Variants in OTULIN observed in about 807,000 individuals in gnomAD.
OTULIN encodes the protein OTU deubiquitinase with linear linkage specificity, also known as ubiquitin thioesterase otulin.
OTULIN carries 15 observed loss-of-function variants against 39.6 expected under a neutral mutation model. The ratio of observed to expected loss-of-function variants is 0.38; its 90% confidence interval spans 0.25 to 0.58. The LOEUF is 0.58. Ranked by LOEUF, OTULIN falls within the 20% of genes least tolerant of loss-of-function variation. The pLI is 0.66. For synonymous variants in OTULIN, 156 were observed against 170.3 expected (o/e 0.92, Z 0.65); for missense variants, 319 against 445.9 (o/e 0.72, Z 2.56).
At chr5:14,713,036 G>A in the OTULIN span, 9 of 1,488,558 alleles carry the variant, frequency 6.0e-6, no homozygotes, top group Admixed American at 9.4e-5. The surrounding 1 kb of genome is among the most constrained non-coding windows in gnomAD (Gnocchi z 4.4). Flanking sequence ...AACCGTCGAT[G>A]CCAAAACCCA....
the OTULIN span, chr5:14,712,982 G>A: frequency 6.2e-7 from 1 of 1,610,316 alleles, no homozygotes; most frequent in Non-Finnish European, 8.5e-7. Flanking sequence ...CCCTGCAGAT[G>A]AGAACACAAA....
intron 3 of OTULIN, among the ~76,000 whole-genome samples, chr5:14,679,823 G>T (rs1431633531): frequency 6.6e-6 from 1 of 152,168 alleles, no homozygotes; most frequent in Non-Finnish European, 1.5e-5. Flanking sequence ...TGTGTTTTAG[G>T]CGTTGGTTAG....
In OTULIN at chr5:14,690,366, C is replaced by T. The variant is rs1736494326; in HGVS notation, c.864+58C>T. 2 of 1,565,162 alleles carry T rather than the reference C, an allele frequency of 1.3e-6. No individual in the cohort carries two copies. Among genetic ancestry groups the T allele is most frequent in the African/African-American group, 1.4e-5 (1 of 72,926 alleles). ...AAATAAAGCAGCTTTACTGATCAAACTTGATGTCACAGTTTTTGTAGGTCA... is the reference window on the plus strand; with the variant it reads ...AAATAAAGCAGCTTTACTGATCAAATTTGATGTCACAGTTTTTGTAGGTCA... On this transcript the variant is annotated intron_variant, in intron 6 of 6. Transcript: ENST00000284274. The surrounding 1 kb of genome is among the most constrained non-coding windows in gnomAD (Gnocchi z 4.5).
rs1736667898 is a variant in OTULIN at position 14,696,320 on chromosome 5, T to C, written c.*3272T>C. On this transcript the variant is annotated 3_prime_UTR_variant, in exon 7 of 7. Transcript: ENST00000284274. ...CAGATACTAAAGTACAGTTGGATCA[T>C]TTTCTTATCTCCTTTTCTTAAGCAG... 6.6e-6 allele frequency: 1 copy of C among 152,226 alleles called. No individual in the cohort carries two copies. Among genetic ancestry groups the C allele is most frequent in the Non-Finnish European group, 1.5e-5 (1 of 68,038 alleles). The allele number at this position is 152,226 out of a possible 1,614,324, so 9.4% of individuals were successfully genotyped here. A position where few individuals can be genotyped will look rare whatever the true frequency, so the allele number is the denominator to read the frequency against.
intron 1 of OTULIN, among the ~76,000 whole-genome samples, chr5:14,665,688 G>C (rs1735820723): frequency 6.6e-6 from 1 of 152,072 alleles, no homozygotes; most frequent in Admixed American, 6.5e-5. Context: ...AATTATGAAA[G>C]CACACAGACA....
chr5:14,675,045 G>GT (rs1460773728), intron 2 of OTULIN, among the ~76,000 whole-genome samples: 1 of 152,166 alleles, frequency 6.6e-6, no homozygotes, highest in African/African-American at 2.4e-5. Flanking sequence ...TCTTGCCGTT[G>GT]TTTGATGTTT....
Position 14,664,771 on chromosome 5 carries a change from G to C in OTULIN, c.-55G>C. ...CGGCCACTGCCTGGCACCCCGACGG[G>C]AGGGGCTCCGGATCGTTCGGAGCCG... On this transcript the variant is annotated 5_prime_UTR_variant, in exon 1 of 7. Transcript: ENST00000284274. The C allele has an allele frequency of 2.7e-6, 3 of 1,127,542 alleles. No homozygotes were observed. In the African/African-American group the frequency reaches 5.0e-5, roughly 19 times the overall value. The allele number at this position is 1,127,542 out of a possible 1,614,324, so 69.8% of individuals were successfully genotyped here. A position where few individuals can be genotyped will look rare whatever the true frequency, so the allele number is the denominator to read the frequency against.
rs1174189229 is a variant in OTULIN at position 14,681,325 on chromosome 5, G to T, written c.325-139G>T. On this transcript the variant is annotated intron_variant, in intron 3 of 6. Coordinates refer to ENST00000284274, the MANE Select transcript of OTULIN (RefSeq NM_138348.6). The stretch of plus-strand genomic sequence containing the variant: ...CCAGTGAGTAAGTGTTAAAACAATT[G>T]CTTAGAAAGGGACATAAAACTCCAA... 73 of 876,904 alleles carry T rather than the reference G, an allele frequency of 8.3e-5. No homozygotes were observed. In the East Asian group the frequency reaches 1.8e-3, roughly 22 times the overall value. The allele number at this position is 876,904 out of a possible 1,614,324, so 54.3% of individuals were successfully genotyped here. A position where few individuals can be genotyped will look rare whatever the true frequency, so the allele number is the denominator to read the frequency against.
Position 14,664,972 on chromosome 5 carries a change from C to A in OTULIN, c.147C>A (p.Ala49=). ...GQPRPEMQCP[A]EHEEDMYRAA... ...CGCGGCCCGAGATGCAGTGCCCGGC[C>A]GAGCAGTGAGTCCGCGGGGGCGCGG... Residue 49 remains alanine (A), a synonymous_variant, in exon 1 of 7, where the codon GCC becomes GCA. Coordinates refer to ENST00000284274, the MANE Select transcript of OTULIN (RefSeq NM_138348.6). 3 of 1,083,776 alleles carry A rather than the reference C, an allele frequency of 2.8e-6. No individual in the cohort carries two copies. The highest frequency in any genetic ancestry group is 4.3e-5 in the South Asian group (1 of 23,076). The allele number at this position is 1,083,776 out of a possible 1,614,324, so 67.1% of individuals were successfully genotyped here. A position where few individuals can be genotyped will look rare whatever the true frequency, so the allele number is the denominator to read the frequency against.
At chr5:14,713,029 C>T in the OTULIN span, 405 of 1,523,064 alleles carry the variant, frequency 2.7e-4, 4 homozygotes, top group South Asian at 3.8e-3. This position sits in a 1 kb window ranked among gnomAD's most constrained non-coding sequence, Gnocchi z 4.4. Flanking sequence ...AAGGCACAAC[C>T]GTCGATGCCA....
chr5:14,711,474 T>G, the OTULIN span, among the ~76,000 whole-genome samples: 1 of 152,148 alleles, frequency 6.6e-6, no homozygotes, highest in East Asian at 1.9e-4. Context: ...TAGCTCAGTG[T>G]GTTCCTTGCA....
At chr5:14,678,655 T>G (rs1313960779) in intron 2 of OTULIN, 26 bp from the exon 3 acceptor site, 1 of 1,285,116 alleles carries the variant, frequency 7.8e-7, no homozygotes, top group South Asian at 1.5e-5. Flanking sequence ...ATTATTTGCT[T>G]TTTTTTTTTT....
chr5:14,665,697 C>T (rs1212853276), intron 1 of OTULIN, among the ~76,000 whole-genome samples: 2 of 152,122 alleles, frequency 1.3e-5, no homozygotes, highest in Admixed American at 1.3e-4. Flanking sequence ...AGCACACAGA[C>T]AGCCAGTTTG....
At chr5:14,691,459 C>G (rs116766556) in intron 6 of OTULIN, among the ~76,000 whole-genome samples, 1 of 152,188 alleles carries the variant, frequency 6.6e-6, no homozygotes, top group Non-Finnish European at 1.5e-5. Context: ...TACCTGTACT[C>G]ATAATGTGGG....
At chr5:14,709,980 C>G in the OTULIN span, 1 of 152,048 alleles carries the variant, frequency 6.6e-6, no homozygotes, top group Middle Eastern at 3.2e-3. Context: ...TGAACCGTGT[C>G]TATAATTTTT....
At chr5:14,678,549 C>T (rs1166146721) in intron 2 of OTULIN, 132 bp from the exon 3 acceptor site, 1 of 634,248 alleles carries the variant, frequency 1.6e-6, no homozygotes, top group African/African-American at 1.9e-5. Flanking sequence ...AGCGGTTAGG[C>T]AGTGGTTGAA....
At chr5:14,716,012 G>T in the OTULIN span, among the ~76,000 whole-genome samples, 1 of 151,694 alleles carries the variant, frequency 6.6e-6, no homozygotes, top group Non-Finnish European at 1.5e-5. Context: ...TTCTTTTTTT[G>T]ATTTCACTTT....
downstream of OTULIN, among the ~76,000 whole-genome samples, chr5:14,703,595 G>C (rs116042631): frequency 9.9e-3 from 1,514 of 152,244 alleles, 28 homozygotes; most frequent in African/African-American, 0.034. Flanking sequence ...AGCATGGGTT[G>C]GGGACGTAGA....
At chr5:14,674,669 C>T (rs1389766858) in intron 2 of OTULIN, among the ~76,000 whole-genome samples, 2 of 151,982 alleles carry the variant, frequency 1.3e-5, no homozygotes, top group African/African-American at 2.4e-5. Context: ...GTGGGAGGAT[C>T]GCTTGAGCCT....
Sources: gnomAD v4.1 joint callset for allele counts (sites outside exome capture counted in the v4.1 genomes callset) on GRCh38, gnomAD v4.1.1 for gene constraint, Gnocchi (gnomAD v3.1) non-coding constraint, MANE v1.5 for transcripts, NCBI Gene and HGNC (gene_info 2026-07-23, HGNC 2026-07-21) for gene names.